SIVA1: variants seen among roughly 807,000 people sequenced by gnomAD.
The protein encoded by SIVA1 is SIVA1 apoptosis inducing factor, also known as apoptosis regulatory protein Siva.
SIVA1 carries 10 observed loss-of-function variants against 19.7 expected under a neutral mutation model. The ratio of observed to expected loss-of-function variants is 0.51; its 90% CI spans 0.31 to 0.86. The LOEUF is 0.86. Among genes scored for constraint, SIVA1 ranks in the 40% least tolerant of loss-of-function variants. The probability of loss-of-function intolerance (pLI) is 0.04; values close to 1 mark genes in which losing one functional copy is unlikely to be tolerated. For synonymous variants in SIVA1, 130 were observed against 106.1 expected, an observed-to-expected ratio of 1.23 and a Z score of -1.39; for missense variants, 241 against 245.2, an observed-to-expected ratio of 0.98 and a Z score of 0.11.
rs769691789 is a variant in SIVA1 at position 104,755,748 on chromosome 14, G to A, written c.237G>A (p.Pro79=). The A allele has an allele frequency of 5.0e-6, 8 of 1,614,030 alleles. No individual in the cohort carries two copies. Among genetic ancestry groups the A allele is most frequent in the Non-Finnish European group, 6.8e-6 (8 of 1,180,042 alleles). The change falls in exon 2 of 4, where the codon CCG becomes CCA. Residue 79 remains proline, a synonymous_variant. Transcript: ENST00000329967. ...CAAAGCCTGGCCCTACAGGGGCCCC[G>A]AGGGCTGCACGTGGGCAGATGCTGA... is the stretch of plus-strand genomic sequence containing the variant. The part of the protein sequence containing the change: ...ESPKPGPTGA[P]RAARGQMLIG...
At chr14:104,754,858 C>G (rs1688651986) in intron 1 of SIVA1, among the ~76,000 whole-genome samples, 1 of 152,208 alleles carries the variant, frequency 6.6e-6, no homozygotes, top group Admixed American at 6.5e-5. Flanking sequence ...TACCCTGTCA[C>G]TATTATTGCT....
At chr14:104,756,510 T>C (rs1891892620) in intron 2 of SIVA1, 94 bp from the exon 3 acceptor site, 7 of 1,461,460 alleles carry the variant, frequency 4.8e-6, no homozygotes, top group African/African-American at 1.4e-5. Flanking sequence ...GTCAGAGCCC[T>C]CTGCCCTCAG....
chr14:104,754,782 A>G (rs1161495882), intron 1 of SIVA1, among the ~76,000 whole-genome samples: 1 of 151,944 alleles, frequency 6.6e-6, no homozygotes, highest in Non-Finnish European at 1.5e-5. Context: ...TAGATGGGGG[A>G]AGGTGTGGGG....
At chr14:104,757,563 G>A (rs1891939432) in intron 3 of SIVA1, 3 of 162,542 alleles carry the variant, frequency 1.8e-5, no homozygotes, top group Non-Finnish European at 2.7e-5. Flanking sequence ...GCCAGTGATC[G>A]GCTCCCATGG....
intron 3 of SIVA1, chr14:104,757,080 C>G: frequency 4.7e-6 from 2 of 425,096 alleles, no homozygotes; most frequent in Non-Finnish European, 8.7e-6. Flanking sequence ...CCCCCCTCCC[C>G]CCGTCCGAGG....
Position 104,756,527 on chromosome 14 carries a change from A to T in SIVA1, c.314-77A>T. ...CAGAGCCCTCTGCCCTCAGGTATGC[A>T]TGGAGGCAGGTAGCCCGGCAGTCCC... is the stretch of plus-strand genomic sequence containing the variant. On this transcript the variant is annotated intron_variant, in intron 2 of 3. Coordinates refer to ENST00000329967, the MANE Select transcript of SIVA1 (RefSeq NM_006427.4). The T allele has an allele frequency of 5.1e-6, 8 of 1,555,734 alleles. 1 individual carries two copies. In the South Asian group the frequency reaches 8.9e-5, roughly 17 times the overall value.
At chr14:104,755,559 A>G (rs1891855802) in intron 1 of SIVA1, 71 bp from the exon 2 acceptor site, 1 of 1,347,198 alleles carries the variant, frequency 7.4e-7, no homozygotes, top group African/African-American at 1.5e-5. Flanking sequence ...GAGGCTAGAA[A>G]GACTCAATGG....
intron 1 of SIVA1, among the ~76,000 whole-genome samples, chr14:104,754,282 G>T (rs561464046): frequency 6.6e-6 from 1 of 152,288 alleles, no homozygotes; most frequent in East Asian, 1.9e-4. Context: ...TTTACCTGGT[G>T]CCGCTTGTGC....
intron 3 of SIVA1, chr14:104,757,006 T>G: frequency 1.8e-6 from 1 of 557,458 alleles, no homozygotes; most frequent in South Asian, 2.1e-5. Flanking sequence ...CTAGTCCCTG[T>G]CTTCAGCCAC....
rs756369451 is a variant in SIVA1 at position 104,755,691 on chromosome 14, A to C, written c.180A>C (p.Glu60Asp). 3.1e-6 allele frequency: 5 copies of C among 1,613,894 alleles called. No homozygotes were observed. In the African/African-American group the frequency reaches 6.7e-5, roughly 22 times the overall value. Reference protein sequence around the residue: ...AQAYLDHVWDEGCAVVHLPES... With the variant: ...AQAYLDHVWDDGCAVVHLPES... ...CCTACCTGGACCACGTGTGGGATGA[A>C]GGCTGTGCCGTCGTTCACCTGCCAG... Residue 60 changes from glutamate (E) to aspartate (D), a missense_variant, in exon 2 of 4, where the codon GAA (glutamate) becomes GAC (aspartate). Coordinates refer to ENST00000329967, the MANE Select transcript of SIVA1 (RefSeq NM_006427.4).
chr14:104,754,510 G>C (rs1006359098), intron 1 of SIVA1, among the ~76,000 whole-genome samples: 2 of 152,208 alleles, frequency 1.3e-5, no homozygotes, highest in East Asian at 3.8e-4. Flanking sequence ...ATGGGGCCTG[G>C]CTCAGTATGG....
At position 104,759,267 on chromosome 14, in the gene SIVA1, C is replaced by T. The variant is rs1265339352; in HGVS notation, c.471-161C>T. 3 of 538,344 alleles carry T rather than the reference C, an allele frequency of 5.6e-6. No homozygotes were observed. The highest frequency in any genetic ancestry group is 9.8e-6 in the Non-Finnish European group (3 of 306,482). 33.3% of individuals were successfully genotyped at this position (538,344 alleles called of 1,614,324 possible). ...TGCCTTAGGGCCCCCATGTCAGTGC[C>T]GTCATCTAGACTGATGATGCCCGCA... On this transcript the variant is annotated intron_variant, in intron 3 of 3. Transcript: ENST00000329967. The surrounding 1 kb of genome is among the most constrained non-coding windows in gnomAD (Gnocchi z 4.2).
chr14:104,753,861 T>C (rs1430837695), intron 1 of SIVA1: 1 of 431,818 alleles, frequency 2.3e-6, no homozygotes, highest in Non-Finnish European at 4.8e-6. Context: ...GCAGGAGGAG[T>C]CGCCACAGGT....
chr14:104,756,593 C>T lies in SIVA1; in HGVS notation c.314-11C>T, dbSNP rs200635469. On this transcript the variant is annotated splice_polypyrimidine_tract_variant and intron_variant, in intron 2 of 3. Transcript: ENST00000329967. The stretch of plus-strand genomic sequence containing the variant: ...CTTGCAGCCTGACGGCTTGGCGTTT[C>T]TTCCTCACAGACCCATCTGGGGTAG... The T allele has an allele frequency of 3.9e-4, 624 of 1,613,962 alleles. 1 individual carries two copies. The highest frequency in any genetic ancestry group is 2.2e-4 in the Non-Finnish European group (261 of 1,180,030).
intron 1 of SIVA1, chr14:104,753,831 C>T (rs888731249): frequency 4.4e-6 from 2 of 450,650 alleles, no homozygotes; most frequent in East Asian, 7.0e-5. Context: ...GGGAGCTCCC[C>T]AGCCTAGTTG....
At position 104,756,732 on chromosome 14, in the gene SIVA1, G is replaced by T; in HGVS notation, c.442G>T (p.Val148Leu). The change falls in exon 3 of 4, where the codon GTG (valine) becomes TTG (leucine). Residue 148 changes from valine to leucine, a missense_variant. Transcript: ENST00000329967. ...CVRTCWGCGS[V>L]ACTLCGLVDC... ...GCGCACCTGCTGGGGCTGCGGCTCC[G>T]TGGCCTGTACCCTGTGTGGCCTCGT... The T allele has an allele frequency of 6.2e-7, 1 of 1,613,716 alleles. No homozygotes were observed. The highest frequency in any genetic ancestry group is 8.5e-7 in the Non-Finnish European group (1 of 1,179,810).
chr14:104,754,199 C>G (rs1595223887), intron 1 of SIVA1, among the ~76,000 whole-genome samples: 1 of 152,230 alleles, frequency 6.6e-6, no homozygotes, highest in Middle Eastern at 3.4e-3. Context: ...AAAAGTGGAG[C>G]TTACCTTGCC....
rs1410193965 is a variant in SIVA1, at chr14:104,759,328, T to C, written c.471-100T>C. 6.6e-6 allele frequency: 6 copies of C among 912,466 alleles called. No individual in the cohort carries two copies. In the Admixed American group the frequency reaches 8.4e-5, roughly 13 times the overall value. The allele number at this position is 912,466 out of a possible 1,614,324, so 56.5% of individuals were successfully genotyped here. On this transcript the variant is annotated intron_variant, in intron 3 of 3. Transcript: ENST00000329967. This position sits in a 1 kb window ranked among gnomAD's most constrained non-coding sequence, Gnocchi z 4.2. The stretch of plus-strand genomic sequence containing the variant: ...CTCCAGATAAGGTCATGTCCTGAGG[T>C]GTTCTGGGTTAGGACTTTGACGTTT...
At chr14:104,753,612 G>C (rs1891781890) in intron 1 of SIVA1, 1 of 477,884 alleles carries the variant, frequency 2.1e-6, no homozygotes, top group African/African-American at 2.0e-5. Flanking sequence ...TCGCCGCCCT[G>C]CAGTGAGCGG....
Sources: gnomAD v4.1 joint callset for allele counts (sites outside exome capture counted in the v4.1 genomes callset) on GRCh38, gnomAD v4.1.1 for gene constraint, Gnocchi (gnomAD v3.1) non-coding constraint, MANE v1.5 for transcripts, NCBI Gene and HGNC (gene_info 2026-07-23, HGNC 2026-07-21) for gene names.